WNK4: variants seen among roughly 807,000 people sequenced by gnomAD.
WNK4 encodes WNK lysine deficient protein kinase 4.
WNK4 carries 94 observed loss-of-function variants against 116.2 expected under a neutral mutation model. The observed-to-expected ratio is 0.81, with a 90% CI of 0.68 to 0.96. The LOEUF is 0.96. Ranked by LOEUF, WNK4 falls within the 40% of genes least tolerant of loss-of-function variation. WNK4 has a pLI of 0.00. For missense variants in WNK4, 1,542 were observed against 1,650.6 expected (o/e 0.93, Z 1.14); for synonymous variants, 655 against 672.7 (o/e 0.97, Z 0.41).
chr17:42,785,450 C>G lies in WNK4; in HGVS notation c.1444C>G (p.Arg482Gly). 6.4e-7 allele frequency: 1 copy of G among 1,554,960 alleles called. No homozygotes were observed. Among genetic ancestry groups the G allele is most frequent in the Non-Finnish European group, 8.7e-7 (1 of 1,148,740 alleles). The change falls in exon 6 of 19, where the codon CGG becomes GGG. Residue 482 changes from arginine to glycine, a missense_variant. By Grantham distance (125) the Arg-to-Gly change is moderately radical (BLOSUM62 -2). Transcript: ENST00000246914. ...QAIEFLFQLGRDAAEEVAQEM... is the reference protein window; with the variant it reads ...QAIEFLFQLGGDAAEEVAQEM... ...CATCGAGTTCCTGTTCCAGCTGGGC[C>G]GGGACGCGGCCGAGGAGGTGGCACA... is the stretch of plus-strand genomic sequence containing the variant.
At position 42,784,137 on chromosome 17, in the gene WNK4, C is replaced by A. The variant is rs1352540784; in HGVS notation, c.992C>A (p.Ser331Tyr). ...GGCCTGGCCACGCTCAAGCGCGCCT[C>A]CTTTGCCAAGAGTGTCATCGGTGCG... The part of the protein sequence containing the change: ...DLGLATLKRA[S>Y]FAKSVIGTPE... Residue 331 changes from serine to tyrosine, a missense_variant, in exon 3 of 19, where the codon TCC (serine) becomes TAC (tyrosine). Ser to Tyr is a moderately radical substitution (Grantham distance 144, BLOSUM62 -2). Around this residue, in one of 7 missense-constraint regions of WNK4, gnomAD observed 808 missense variants for 873.6 expected, o/e 0.92. Coordinates refer to ENST00000246914, the MANE Select transcript of WNK4 (RefSeq NM_032387.5). This position sits in a 1 kb window ranked among gnomAD's most constrained non-coding sequence, Gnocchi z 4.4. The A allele has an allele frequency of 6.2e-7, 1 of 1,607,376 alleles. No individual in the cohort carries two copies. Among genetic ancestry groups the A allele is most frequent in the South Asian group, 1.1e-5 (1 of 91,074 alleles).
Position 42,784,623 on chromosome 17 carries a change from T to C in WNK4, c.1170+44T>C, listed in dbSNP as rs774588605. On this transcript the variant is annotated intron_variant, in intron 4 of 18. Transcript: ENST00000246914. The surrounding 1 kb of genome is among the most constrained non-coding windows in gnomAD (Gnocchi z 4.4). ...GCGGGAAAGGCAATTCCAGGGCCACTTCCCCTTTTCCTGCGCCGGCCAGCC... is the reference window on the plus strand; with the variant it reads ...GCGGGAAAGGCAATTCCAGGGCCACCTCCCCTTTTCCTGCGCCGGCCAGCC... The C allele has an allele frequency of 1.2e-6, 2 of 1,611,448 alleles. No homozygotes were observed. Among genetic ancestry groups the C allele is most frequent in the East Asian group, 2.2e-5 (1 of 44,802 alleles).
At position 42,780,831 on chromosome 17, in the gene WNK4, C is replaced by A; in HGVS notation, c.133C>A (p.Arg45Ser). The change falls in exon 1 of 19, where the codon CGC becomes AGC. Residue 45 changes from arginine to serine, a missense_variant. Coordinates refer to ENST00000246914, the MANE Select transcript of WNK4 (RefSeq NM_032387.5). ...CGGGCCCCCTCCTCGCCGAGCGCGC[C>A]GCTTCTCCGGGAAGGCTGAGCCCCG... is the stretch of plus-strand genomic sequence containing the variant. The part of the protein sequence containing the change: ...RLGPPPRRAR[R>S]FSGKAEPRPR... 6.2e-7 allele frequency: 1 copy of A among 1,601,690 alleles called. No individual in the cohort carries two copies. Among genetic ancestry groups the A allele is most frequent in the East Asian group, 2.2e-5 (1 of 44,740 alleles).
At chr17:42,791,579 C>T (rs889953480) in intron 11 of WNK4, among the ~76,000 whole-genome samples, 2 of 151,102 alleles carry the variant, frequency 1.3e-5, no homozygotes, top group Non-Finnish European at 2.9e-5. Flanking sequence ...GTGGAGGTTG[C>T]GGTGAGCCAC....
At position 42,780,739 on chromosome 17, in the gene WNK4, C is replaced by G; in HGVS notation, c.41C>G (p.Ser14Cys). Residue 14 changes from serine to cysteine, a missense_variant, in exon 1 of 19, where the codon TCC (serine) becomes TGC (cysteine). This residue lies in a region of WNK4 where 243 missense variants were observed against 217.8 expected (regional missense o/e 1.12). Coordinates refer to ENST00000246914, the MANE Select transcript of WNK4 (RefSeq NM_032387.5). The part of the protein sequence containing the change: ...SPATETTVLM[S>C]QTEADLALRP... ...GCCACGGAGACCACCGTCCTCATGT[C>G]CCAGACTGAGGCCGACCTGGCCCTG... is the stretch of plus-strand genomic sequence containing the variant. 2 of 1,609,094 alleles carry G rather than the reference C, an allele frequency of 1.2e-6. No individual in the cohort carries two copies. The highest frequency in any genetic ancestry group is 1.7e-6 in the Non-Finnish European group (2 of 1,179,558).
chr17:42,786,111 T>C (rs2054547189), intron 6 of WNK4, among the ~76,000 whole-genome samples: 1 of 152,240 alleles, frequency 6.6e-6, no homozygotes. Context: ...CCATCCTGCA[T>C]AGGGGGCAGT....
rs760512833 is a variant in WNK4 at position 42,794,792 on chromosome 17, T to A, written c.2371T>A (p.Ser791Thr). ...CCCAGAAGAGCTCCAGAGCAGCACC[T>A]CCCTGGAGCACAGGAGCTGGACAGC... Reference protein sequence around the residue: ...PSNEELQSSTSLEHRSWTAFS... With the variant: ...PSNEELQSSTTLEHRSWTAFS... Residue 791 changes from serine to threonine, a missense_variant, in exon 14 of 19, where the codon TCC (serine) becomes ACC (threonine). Physicochemically the swap from Ser to Thr is moderately conservative, Grantham distance 58. This residue lies in a region of WNK4 where 808 missense variants were observed against 873.6 expected (regional missense o/e 0.92). Transcript: ENST00000246914. 6.2e-7 allele frequency: 1 copy of A among 1,613,978 alleles called. No homozygotes were observed. The highest frequency in any genetic ancestry group is 2.2e-5 in the East Asian group (1 of 44,864).
At chr17:42,787,177 G>T in intron 6 of WNK4, 101 bp from the exon 7 acceptor site, 1 of 1,546,064 alleles carries the variant, frequency 6.5e-7, no homozygotes, top group Non-Finnish European at 8.7e-7. Flanking sequence ...GTAAGTGTTG[G>T]TTTTCTTCCT....
intron 6 of WNK4, 137 bp from the exon 7 acceptor site, chr17:42,787,141 C>T: frequency 7.9e-7 from 1 of 1,265,858 alleles, no homozygotes; most frequent in Non-Finnish European, 1.1e-6. Context: ...AAGGAGCTGC[C>T]AGTTAACAGA....
intron 6 of WNK4, 110 bp downstream of exon 6, chr17:42,785,592 C>T: frequency 3.9e-6 from 5 of 1,280,030 alleles, no homozygotes; most frequent in South Asian, 1.3e-5. Flanking sequence ...GGGGGCGGGG[C>T]ACCTCACCCC....
chr17:42,780,980 C>T lies in WNK4; in HGVS notation c.282C>T (p.Pro94=). Residue 94 remains proline (P), a synonymous_variant, in exon 1 of 19, where the codon CCC becomes CCT. Coordinates refer to ENST00000246914, the MANE Select transcript of WNK4 (RefSeq NM_032387.5). ...PDPPDSAGPG[P]ARSPPPSSKE... ...CTCCGGACTCCGCTGGTCCTGGCCC[C>T]GCGAGGAGCCCACCGCCTAGCTCCA... is the stretch of plus-strand genomic sequence containing the variant. The T allele has an allele frequency of 4.3e-6, 7 of 1,610,222 alleles. No individual in the cohort carries two copies. Among genetic ancestry groups the T allele is most frequent in the Non-Finnish European group, 5.9e-6 (7 of 1,179,420 alleles).
At chr17:42,785,574 G>A in intron 6 of WNK4, 92 bp downstream of exon 6, 1 of 1,442,030 alleles carries the variant, frequency 6.9e-7, no homozygotes, top group South Asian at 1.2e-5. Flanking sequence ...AGGAGGGGTG[G>A]CAGCGATGGG....
rs2054537798 is a variant in WNK4, at chr17:42,785,458, G to A, written c.1452G>A (p.Ala484=). The change falls in exon 6 of 19, where the codon GCG becomes GCA. Residue 484 remains alanine (A), a synonymous_variant. Coordinates refer to ENST00000246914, the MANE Select transcript of WNK4 (RefSeq NM_032387.5). ...TCCTGTTCCAGCTGGGCCGGGACGCGGCCGAGGAGGTGGCACAGGAGATGG... is the reference window on the plus strand; with the variant it reads ...TCCTGTTCCAGCTGGGCCGGGACGCAGCCGAGGAGGTGGCACAGGAGATGG... ...IEFLFQLGRD[A]AEEVAQEMVA... is the part of the protein sequence containing the mutation. 6.4e-7 allele frequency: 1 copy of A among 1,553,482 alleles called. No homozygotes were observed. The highest frequency in any genetic ancestry group is 8.7e-7 in the Non-Finnish European group (1 of 1,147,912).
chr17:42,784,285 A>G lies in WNK4; in HGVS notation c.1012+128A>G. The G allele has an allele frequency of 6.5e-7, 1 of 1,534,836 alleles. No individual in the cohort carries two copies. Among genetic ancestry groups the G allele is most frequent in the Non-Finnish European group, 8.9e-7 (1 of 1,119,518 alleles). ...CTACCAGACGACAGGGAAGCTGAGG[A>G]GACCTATGGCACCCACCTCAACCCC... On this transcript the variant is annotated intron_variant, in intron 3 of 18. Coordinates refer to ENST00000246914, the MANE Select transcript of WNK4 (RefSeq NM_032387.5). This position sits in a 1 kb window ranked among gnomAD's most constrained non-coding sequence, Gnocchi z 4.4.
chr17:42,781,072 C>G lies in WNK4; in HGVS notation c.374C>G (p.Pro125Arg), dbSNP rs369221665. The change falls in exon 1 of 19, where the codon CCC becomes CGC. Residue 125 changes from proline to arginine, a missense_variant. Pro to Arg is a moderately radical substitution (Grantham distance 103). Transcript: ENST00000246914. ...AAGGCTGCGGAAGACTCCGCGCGTCCCGAGCTCCCGGACTCTGCAGTGGGC... is the reference window on the plus strand; with the variant it reads ...AAGGCTGCGGAAGACTCCGCGCGTCGCGAGCTCCCGGACTCTGCAGTGGGC... ...PVKAAEDSAR[P>R]ELPDSAVGPG... 31 of 1,612,454 alleles carry G rather than the reference C, an allele frequency of 1.9e-5. No individual in the cohort carries two copies. In the African/African-American group the frequency reaches 3.2e-4, roughly 17 times the overall value.
At chr17:42,785,544 G>A (rs904661338) in intron 6 of WNK4, 62 bp downstream of exon 6, 19 of 1,541,014 alleles carry the variant, frequency 1.2e-5, no homozygotes, top group Admixed American at 3.9e-5. Flanking sequence ...CGAGGGGACA[G>A]TGCAACAGGG....
intron 2 of WNK4, chr17:42,783,591 C>T (rs553080625): frequency 8.0e-5 from 30 of 375,642 alleles, no homozygotes; most frequent in African/African-American, 6.0e-4. Flanking sequence ...CCCCTTTCAC[C>T]TTTGAGCTCC....
At chr17:42,783,665 G>T in intron 2 of WNK4, 1 of 557,350 alleles carries the variant, frequency 1.8e-6, no homozygotes, top group Non-Finnish European at 3.2e-6. Context: ...CATGCTTGGG[G>T]CAGTTAGTCA....
rs755153601 is a variant in WNK4, at chr17:42,795,789, G to A, written c.3187G>A (p.Gly1063Arg). The A allele has an allele frequency of 2.1e-5, 34 of 1,613,678 alleles. No homozygotes were observed. Among genetic ancestry groups the A allele is most frequent in the East Asian group, 1.8e-4 (8 of 44,884 alleles). ...AGATACAGAGGACAGTGCTGGAGGCGGGCCAGAGACCAGGGAAGCTCTGGC... is the reference window on the plus strand; with the variant it reads ...AGATACAGAGGACAGTGCTGGAGGCAGGCCAGAGACCAGGGAAGCTCTGGC... ...SSDTEDSAGG[G>R]PETREALAES... The change falls in exon 16 of 19, where the codon GGG (glycine) becomes AGG (arginine). Residue 1063 changes from glycine to arginine, a missense_variant. By Grantham distance (125) the Gly-to-Arg change is moderately radical (BLOSUM62 -2). Coordinates refer to ENST00000246914, the MANE Select transcript of WNK4 (RefSeq NM_032387.5).
Sources: gnomAD v4.1 joint callset for allele counts (sites outside exome capture counted in the v4.1 genomes callset) on GRCh38, gnomAD v4.1.1 for gene constraint, gnomAD v4.1.1 regional missense constraint, Gnocchi (gnomAD v3.1) non-coding constraint, MANE v1.5 for transcripts, NCBI Gene and HGNC (gene_info 2026-07-23, HGNC 2026-07-21) for gene names.